Variants in PTPRT observed in about 807,000 individuals in gnomAD.
PTPRT encodes the protein receptor-type tyrosine-protein phosphatase T.
PTPRT carries 56 observed loss-of-function variants against 176.8 expected under a neutral mutation model. The ratio of observed to expected loss-of-function variants is 0.32; its 90% CI spans 0.26 to 0.40. PTPRT has a LOEUF of 0.40. Among genes scored for constraint, PTPRT ranks in the 10% least tolerant of loss-of-function variants. The pLI, the probability that PTPRT is intolerant of heterozygous loss-of-function variation, is 1.00. For missense variants in PTPRT, 1,540 were observed against 1,908.2 expected, an observed-to-expected ratio of 0.81 and a Z score of 3.60; for synonymous variants, 783 against 739.0, an observed-to-expected ratio of 1.06 and a Z score of -0.96.
chr20:42,521,394 C>A (rs1030077825), intron 7 of PTPRT, among the ~76,000 whole-genome samples: 4 of 152,140 alleles, frequency 2.6e-5, no homozygotes, highest in Non-Finnish European at 5.9e-5. Context: ...ATGTTGTACA[C>A]CTAACAGTCT....
At chr20:42,321,295 A>T (rs1260277242) in intron 11 of PTPRT, among the ~76,000 whole-genome samples, 2 of 152,168 alleles carry the variant, frequency 1.3e-5, no homozygotes, top group Admixed American at 1.3e-4. Context: ...CAGAATGCTT[A>T]TTCCTTGGCT....
At chr20:42,049,470 G>A in the PTPRT span, among the ~76,000 whole-genome samples, 14 of 152,124 alleles carry the variant, frequency 9.2e-5, no homozygotes, top group South Asian at 4.1e-4. Flanking sequence ...TAGGCTGAAG[G>A]CAAGTTTCAT....
At chr20:43,112,890 A>C (rs904115962) in intron 1 of PTPRT, among the ~76,000 whole-genome samples, 9 of 151,866 alleles carry the variant, frequency 5.9e-5, no homozygotes, top group African/African-American at 2.2e-4. Flanking sequence ...TCATGATATA[A>C]ACGTATCTCC....
intron 26 of PTPRT, among the ~76,000 whole-genome samples, chr20:42,100,127 G>GCAAGT (rs1429641982): frequency 2.6e-5 from 4 of 152,218 alleles, no homozygotes; most frequent in African/African-American, 9.6e-5. Flanking sequence ...ATGGGACAGT[G>GCAAGT]CAAGTCCAGG....
At chr20:42,847,203 G>A (rs575958825) in intron 2 of PTPRT, among the ~76,000 whole-genome samples, 17 of 152,308 alleles carry the variant, frequency 1.1e-4, no homozygotes, top group African/African-American at 2.9e-4. Context: ...GAGCACCCAC[G>A]GGGATGGAAG....
At chr20:42,108,941 G>GTCTT (rs373540272) in intron 23 of PTPRT, among the ~76,000 whole-genome samples, 51 of 152,188 alleles carry the variant, frequency 3.4e-4, no homozygotes, top group East Asian at 1.5e-3. Context: ...ATTTGCCATT[G>GTCTT]TCTTTCTTTC....
intron 1 of PTPRT, among the ~76,000 whole-genome samples, chr20:42,979,038 G>A (rs1983124909): frequency 6.6e-6 from 1 of 152,170 alleles, no homozygotes; most frequent in African/African-American, 2.4e-5. Flanking sequence ...CTCTCTTGGA[G>A]TCTGGACCAG....
At chr20:42,476,543 T>C (rs1035541327) in intron 7 of PTPRT, among the ~76,000 whole-genome samples, 1 of 152,190 alleles carries the variant, frequency 6.6e-6, no homozygotes, top group South Asian at 2.1e-4. Flanking sequence ...AATGTGCTCA[T>C]GTGTGTTACT....
intron 2 of PTPRT, among the ~76,000 whole-genome samples, chr20:42,798,026 G>T: frequency 6.6e-6 from 1 of 152,156 alleles, no homozygotes; most frequent in Non-Finnish European, 1.5e-5. Context: ...CACTAAATTT[G>T]TGGTAATTTG....
At chr20:42,454,794 A>G (rs974382054) in intron 8 of PTPRT, among the ~76,000 whole-genome samples, 54 of 152,242 alleles carry the variant, frequency 3.5e-4, no homozygotes, top group Non-Finnish European at 7.6e-4. Context: ...TGGGAGAAAG[A>G]GAGAGACAAA....
At chr20:42,631,409 A>T (rs1486788958) in intron 7 of PTPRT, among the ~76,000 whole-genome samples, 1 of 152,220 alleles carries the variant, frequency 6.6e-6, no homozygotes, top group Non-Finnish European at 1.5e-5. Context: ...TACTCAATTC[A>T]GCTTCACATA....
At chr20:42,630,630 C>G (rs2074385707) in intron 7 of PTPRT, among the ~76,000 whole-genome samples, 1 of 152,108 alleles carries the variant, frequency 6.6e-6, no homozygotes, top group East Asian at 1.9e-4. Context: ...TCCTTAATTT[C>G]AAAACTTAAT....
At chr20:42,043,789 G>A in the PTPRT span, among the ~76,000 whole-genome samples, 2 of 152,126 alleles carry the variant, frequency 1.3e-5, no homozygotes, top group African/African-American at 4.8e-5. Flanking sequence ...TTGGACAATC[G>A]ATTTGTTTAT....
At chr20:42,658,368 C>T (rs1285285962) in intron 7 of PTPRT, among the ~76,000 whole-genome samples, 2 of 152,216 alleles carry the variant, frequency 1.3e-5, no homozygotes, top group Non-Finnish European at 2.9e-5. Context: ...CTGCAAAGCA[C>T]ATCACAGCCT....
chr20:42,792,807 CTTCTTGGGA>C (rs1378294209), intron 2 of PTPRT, among the ~76,000 whole-genome samples: 2 of 152,194 alleles, frequency 1.3e-5, no homozygotes, highest in Non-Finnish European at 2.9e-5. Context: ...AAACCCATAA[CTTCTTGGGA>C]TTCTAGAAGG....
intron 4 of PTPRT, among the ~76,000 whole-genome samples, chr20:42,774,179 C>T (rs1331403673): frequency 6.6e-6 from 1 of 152,190 alleles, no homozygotes; most frequent in South Asian, 2.1e-4. Flanking sequence ...TTAATAAAGT[C>T]GTTCAGCTGT....
intron 12 of PTPRT, among the ~76,000 whole-genome samples, chr20:42,305,627 A>ATG (rs368441652): frequency 3.4e-4 from 51 of 151,586 alleles, no homozygotes; most frequent in East Asian, 2.9e-3. Flanking sequence ...GTGTGCGTGT[A>ATG]TGTGTGTGTG....
chr20:42,780,700 C>T (rs1569152662), intron 3 of PTPRT, among the ~76,000 whole-genome samples: 1 of 152,104 alleles, frequency 6.6e-6, no homozygotes, highest in African/African-American at 2.4e-5. Flanking sequence ...TAGATGCCTA[C>T]CTTGGAAGCT....
chr20:42,633,905 A>T (rs147662044), intron 7 of PTPRT, among the ~76,000 whole-genome samples: 6,862 of 74,226 alleles, frequency 0.092, 475 homozygotes, highest in Non-Finnish European at 0.13. Context: ...TATATAATAT[A>T]ATATATAATT....
Sources: allele counts gnomAD v4.1 joint callset (sites outside exome capture counted in the v4.1 genomes callset), GRCh38; gene constraint gnomAD v4.1.1; transcripts MANE v1.5; gene names NCBI Gene and HGNC (gene_info 2026-07-23, HGNC 2026-07-21).